Variants in GREM2 observed in about 807,000 individuals in gnomAD.
GREM2 encodes the protein gremlin-2.
A neutral mutation model predicts 14.2 loss-of-function variants in GREM2; 11 were observed. The ratio of observed to expected loss-of-function variants is 0.78; its 90% CI spans 0.49 to 1.28. The LOEUF (loss-of-function observed/expected upper bound fraction) is 1.28, where lower values mean the gene tolerates loss of function less well. GREM2 is among the 50% of genes most tolerant of loss of function. The pLI is 0.00. For synonymous variants in GREM2, 98 were observed against 97.6 expected (o/e 1.00, Z -0.02); for missense variants, 210 against 218.5 (o/e 0.96, Z 0.24).
chr1:240,578,250 C>T (rs937977021), intron 1 of GREM2, among the ~76,000 whole-genome samples: 13 of 152,108 alleles, frequency 8.5e-5, no homozygotes, highest in South Asian at 4.2e-4. Flanking sequence ...CTCAGCCTTC[C>T]GAGTAGCTGG....
chr1:240,604,831 T>C (rs2102873790), intron 1 of GREM2, among the ~76,000 whole-genome samples: 1 of 152,240 alleles, frequency 6.6e-6, no homozygotes, highest in East Asian at 1.9e-4. Context: ...TCAAAGACTT[T>C]CCTCCCCATC....
intron 1 of GREM2, among the ~76,000 whole-genome samples, chr1:240,597,311 G>A (rs1679838111): frequency 6.6e-6 from 1 of 152,240 alleles, no homozygotes; most frequent in Non-Finnish European, 1.5e-5. Context: ...GCCACAAACT[G>A]TATGCCTGTC....
At chr1:240,558,841 C>T (rs1397104753) in intron 1 of GREM2, among the ~76,000 whole-genome samples, 2 of 151,930 alleles carry the variant, frequency 1.3e-5, no homozygotes, top group African/African-American at 4.8e-5. Flanking sequence ...AAACTCATTA[C>T]CTGTTTTATG....
At chr1:240,495,817 CA>C (rs1677400352) in intron 1 of GREM2, among the ~76,000 whole-genome samples, 1 of 152,174 alleles carries the variant, frequency 6.6e-6, no homozygotes, top group Non-Finnish European at 1.5e-5. Flanking sequence ...CTTTGCATGC[CA>C]CCTTGGAGAT....
At chr1:240,494,374 C>G (rs975249522) in intron 1 of GREM2, among the ~76,000 whole-genome samples, 2 of 152,108 alleles carry the variant, frequency 1.3e-5, no homozygotes, top group African/African-American at 4.8e-5. Flanking sequence ...CCAGAGCCAT[C>G]AATGTTAACC....
chr1:240,578,579 G>A (rs2103374024), intron 1 of GREM2, among the ~76,000 whole-genome samples: 1 of 151,434 alleles, frequency 6.6e-6, no homozygotes, highest in African/African-American at 2.4e-5. Flanking sequence ...GAGGTCAGGG[G>A]TTCAAGACCA....
chr1:240,562,191 A>G (rs1679052760), intron 1 of GREM2, among the ~76,000 whole-genome samples: 1 of 152,202 alleles, frequency 6.6e-6, no homozygotes, highest in Non-Finnish European at 1.5e-5. Flanking sequence ...TTTGGAGGGC[A>G]GATGATGCAA....
intron 1 of GREM2, among the ~76,000 whole-genome samples, chr1:240,562,937 A>AGTGTGTGAGTGTGTAT (rs1196847931): frequency 8.3e-6 from 1 of 120,426 alleles, no homozygotes; most frequent in African/African-American, 3.6e-5. Context: ...TATGTGTGTG[A>AGTGTGTGAGTGTGTAT]GTGTGTGAGT....
intron 1 of GREM2, among the ~76,000 whole-genome samples, chr1:240,573,943 G>C (rs181883525): frequency 6.6e-6 from 1 of 151,982 alleles, no homozygotes; most frequent in African/African-American, 2.4e-5. Flanking sequence ...TTGTTTTGAC[G>C]AACTCTCACA....
chr1:240,514,271 C>T (rs933415548), intron 1 of GREM2, among the ~76,000 whole-genome samples: 7 of 132,718 alleles, frequency 5.3e-5, no homozygotes, highest in Admixed American at 2.2e-4. Context: ...AAAAAAAAAG[C>T]GTTTCAGAAA....
chr1:240,594,095 A>G (rs1040795343), intron 1 of GREM2, among the ~76,000 whole-genome samples: 4 of 152,064 alleles, frequency 2.6e-5, no homozygotes, highest in Non-Finnish European at 5.9e-5. Flanking sequence ...CTGGGACCAC[A>G]GGCACACAAC....
At chr1:240,573,337 A>G (rs1316329554) in intron 1 of GREM2, among the ~76,000 whole-genome samples, 1 of 151,976 alleles carries the variant, frequency 6.6e-6, no homozygotes, top group East Asian at 1.9e-4. Context: ...AAAAAACATC[A>G]CAATCGTAAA....
chr1:240,501,916 T>A (rs1677577522), intron 1 of GREM2, among the ~76,000 whole-genome samples: 1 of 152,130 alleles, frequency 6.6e-6, no homozygotes, highest in South Asian at 2.1e-4. Context: ...TCAGAAGCTA[T>A]CCATTAGAAT....
At chr1:240,565,513 C>G (rs1282727541) in intron 1 of GREM2, among the ~76,000 whole-genome samples, 1 of 152,154 alleles carries the variant, frequency 6.6e-6, no homozygotes, top group East Asian at 1.9e-4. Context: ...CATACCTTTA[C>G]TTTGGTCTGT....
chr1:240,560,294 G>T (rs532895535), intron 1 of GREM2, among the ~76,000 whole-genome samples: 1 of 152,228 alleles, frequency 6.6e-6, no homozygotes, highest in South Asian at 2.1e-4. Context: ...TGCCGCCATG[G>T]GTGCTCAGGT....
intron 1 of GREM2, among the ~76,000 whole-genome samples, chr1:240,532,636 TATATATAGATAGATAG>T (rs759831903): frequency 8.5e-4 from 69 of 80,998 alleles, no homozygotes; most frequent in South Asian, 5.9e-3. Context: ...ATATAAGAGA[TATATATAGATAGATAG>T]ATAGATAGAT....
At chr1:240,580,793 A>T (rs1679468816) in intron 1 of GREM2, among the ~76,000 whole-genome samples, 1 of 152,160 alleles carries the variant, frequency 6.6e-6, no homozygotes, top group Admixed American at 6.5e-5. Flanking sequence ...GGCTGATCTT[A>T]AACTCCTCAC....
At chr1:240,552,633 C>T (rs556015986) in intron 1 of GREM2, among the ~76,000 whole-genome samples, 3 of 152,238 alleles carry the variant, frequency 2.0e-5, no homozygotes, top group Non-Finnish European at 4.4e-5. Flanking sequence ...GCAAGAAAAG[C>T]TTTAGGGCAG....
chr1:240,586,842 A>G (rs1017222849), intron 1 of GREM2, among the ~76,000 whole-genome samples: 1 of 152,200 alleles, frequency 6.6e-6, no homozygotes, highest in African/African-American at 2.4e-5. Context: ...TGCATGTTTA[A>G]AGATGCCTAT....
Sources: gnomAD v4.1 joint callset for allele counts (sites outside exome capture counted in the v4.1 genomes callset) on GRCh38, gnomAD v4.1.1 for gene constraint, MANE v1.5 for transcripts, NCBI Gene and HGNC (gene_info 2026-07-23, HGNC 2026-07-21) for gene names.